STARD7: variants seen among roughly 807,000 people sequenced by gnomAD.
STARD7 encodes the protein StAR related lipid transfer domain containing 7.
STARD7 carries 30 observed loss-of-function variants against 45.3 expected under a neutral mutation model. The ratio of observed to expected loss-of-function variants is 0.66; its 90% CI spans 0.50 to 0.90. The LOEUF is 0.90. STARD7 is among the 40% of genes least tolerant of loss of function. STARD7 has a pLI of 0.00. For missense variants in STARD7, 495 were observed against 491.3 expected (o/e 1.01, Z -0.07); for synonymous variants, 199 against 183.0 (o/e 1.09, Z -0.70).
intron 1 of STARD7, 81 bp downstream of exon 1, chr2:96,208,064 G>T (rs566690349): frequency 3.0e-6 from 4 of 1,355,120 alleles, no homozygotes; most frequent in African/African-American, 1.5e-5. Context: ...GGTAAACAAG[G>T]GCCAACGACC....
chr2:96,192,977 TG>T, intron 5 of STARD7, 100 bp downstream of exon 5: 1 of 818,414 alleles, frequency 1.2e-6, no homozygotes, highest in Non-Finnish European at 2.1e-6. Flanking sequence ...GGGAAGCCTG[TG>T]GGAGACTCAT....
chr2:96,188,266 C>CTTTTTTTTTTT (rs138935587), intron 6 of STARD7: 1 of 56,790 alleles, frequency 1.8e-5, no homozygotes, highest in Non-Finnish European at 2.8e-5. Flanking sequence ...CAGACCAAGA[C>CTTTTTTTTTTT]TTTTTTTTTT....
Position 96,193,122 on chromosome 2 carries a change from C to T in STARD7, c.699G>A (p.Arg233=), listed in dbSNP as rs773706751. ...TGTTGTTTTCCTGATCCACACTATA[C>T]CGCCGAACATAAACATAATCCCGTG... The part of the protein sequence containing the change: ...MYSRDYVYVR[R]YSVDQENNMM... Residue 233 remains arginine (R), a synonymous_variant, in exon 5 of 8, where the codon CGG becomes CGA. Coordinates refer to ENST00000337288, the MANE Select transcript of STARD7 (RefSeq NM_020151.4). 2 of 1,613,776 alleles carry T rather than the reference C, an allele frequency of 1.2e-6. No individual in the cohort carries two copies. Among genetic ancestry groups the T allele is most frequent in the Non-Finnish European group, 1.7e-6 (2 of 1,179,708 alleles).
At chr2:96,201,372 T>A (rs548003759) in intron 1 of STARD7, among the ~76,000 whole-genome samples, 56 of 145,058 alleles carry the variant, frequency 3.9e-4, no homozygotes, top group Non-Finnish European at 6.6e-4. Flanking sequence ...GCCCAGGACT[T>A]CAAGACCAGC....
chr2:96,187,283 G>C lies in STARD7; in HGVS notation c.862C>G (p.Leu288Val), dbSNP rs1441631365. The C allele has an allele frequency of 6.2e-7, 1 of 1,613,572 alleles. No homozygotes were observed. Among genetic ancestry groups the C allele is most frequent in the African/African-American group, 1.3e-5 (1 of 75,040 alleles). The part of the protein sequence containing the change: ...SFDENGFDYL[L>V]TYSDNPQTVF... ...GTTTGGGGATTGTCACTGTATGTTA[G>C]TAAGTAGTCAAAGCCATTCTGGAAA... Residue 288 changes from leucine (L) to valine (V), a missense_variant, in exon 7 of 8, where the codon CTA becomes GTA. Physicochemically the swap from Leu to Val is conservative, Grantham distance 32. Transcript: ENST00000337288.
intron 1 of STARD7, among the ~76,000 whole-genome samples, chr2:96,199,664 G>A (rs1030678776): frequency 2.0e-5 from 3 of 152,176 alleles, no homozygotes; most frequent in South Asian, 4.1e-4. Context: ...TATGTTGCCT[G>A]ATTTCATTGG....
chr2:96,204,328 G>A (rs1304353039), intron 1 of STARD7, among the ~76,000 whole-genome samples: 1 of 151,702 alleles, frequency 6.6e-6, no homozygotes, highest in African/African-American at 2.4e-5. Flanking sequence ...GCCGAGACAG[G>A]CGGATCACGA....
chr2:96,208,574 A>T lies in STARD7; in HGVS notation c.-140T>A. ...GTCCCGCGGCCAGGAGCCGCCGCTC[A>T]TCTGTCTCTGCAGCCACCGCTGAGG... On this transcript the variant is annotated 5_prime_UTR_variant, in exon 1 of 8. It removes an upstream start codon present in the reference 5' UTR. Transcript: ENST00000337288. 4.4e-6 allele frequency: 3 copies of T among 684,286 alleles called. No homozygotes were observed. The highest frequency in any genetic ancestry group is 6.6e-6 in the Non-Finnish European group (3 of 455,008). The allele number at this position is 684,286 out of a possible 1,614,324, so 42.4% of individuals were successfully genotyped here.
At chr2:96,194,299 G>C (rs1003674700) in intron 3 of STARD7, among the ~76,000 whole-genome samples, 4 of 151,758 alleles carry the variant, frequency 2.6e-5, no homozygotes, top group Non-Finnish European at 5.9e-5. Context: ...GCTGCAGCAA[G>C]ACATGATCAC....
At chr2:96,189,344 C>G (rs1464698899) in intron 6 of STARD7, among the ~76,000 whole-genome samples, 1 of 152,166 alleles carries the variant, frequency 6.6e-6, no homozygotes, top group South Asian at 2.1e-4. Context: ...ATGGACTCCT[C>G]CAGACTCCTC....
chr2:96,185,350 C>CA lies in STARD7; in HGVS notation c.*1379dup, dbSNP rs1169870909. ...TTAGTCTCAGGTTTAAACCACTTTTCAACACCACAAAACAGTAGCAAGCAG... is the reference window on the plus strand; with the variant it reads ...TTAGTCTCAGGTTTAAACCACTTTTCAAACACCACAAAACAGTAGCAAGCAG... On this transcript the variant is annotated 3_prime_UTR_variant, in exon 8 of 8. Coordinates refer to ENST00000337288, the MANE Select transcript of STARD7 (RefSeq NM_020151.4). 6.6e-6 allele frequency: 1 copy of CA among 152,002 alleles called. No individual in the cohort carries two copies. The highest frequency in any genetic ancestry group is 1.5e-5 in the Non-Finnish European group (1 of 67,960). The allele number at this position is 152,002 out of a possible 1,614,324, so 9.4% of individuals were successfully genotyped here. A position where few individuals can be genotyped will look rare whatever the true frequency, so the allele number is the denominator to read the frequency against.
rs371840704 is a variant in STARD7, at chr2:96,190,398, C to T, written c.843+1971G>A. Reference sequence around the variant, plus strand: ...TCGCCCACGCTGGGGTGCAGCGGCACGATCTTGGCTCACTGCAACCTCTGC... The same window carrying T: ...TCGCCCACGCTGGGGTGCAGCGGCATGATCTTGGCTCACTGCAACCTCTGC... On this transcript the variant is annotated intron_variant, in intron 6 of 7. Coordinates refer to ENST00000337288, the MANE Select transcript of STARD7 (RefSeq NM_020151.4). Among the ~76,000 whole-genome samples, 141 of 149,818 alleles carry T rather than the reference C, an allele frequency of 9.4e-4. No individual in the cohort carries two copies. The South Asian group carries it at 0.016, about 17-fold the overall frequency.
chr2:96,196,873 C>T (rs1406495705), intron 1 of STARD7, among the ~76,000 whole-genome samples: 2 of 151,388 alleles, frequency 1.3e-5, no homozygotes, highest in Admixed American at 6.6e-5. Context: ...TTGAGACCAG[C>T]CTAACCAACG....
intron 6 of STARD7, among the ~76,000 whole-genome samples, chr2:96,189,281 A>C (rs899293198): frequency 2.0e-5 from 3 of 152,138 alleles, no homozygotes; most frequent in Non-Finnish European, 4.4e-5. Context: ...CTTCCTAAAC[A>C]GAAACATTGC....
At chr2:96,204,497 G>A (rs1322340004) in intron 1 of STARD7, among the ~76,000 whole-genome samples, 1 of 152,060 alleles carries the variant, frequency 6.6e-6, no homozygotes, top group Non-Finnish European at 1.5e-5. Flanking sequence ...GGAGGTTGCA[G>A]TGAGCCGAGA....
intron 6 of STARD7, among the ~76,000 whole-genome samples, chr2:96,188,754 T>A (rs1278254321): frequency 2.0e-5 from 3 of 148,070 alleles, no homozygotes; most frequent in Non-Finnish European, 4.5e-5. Context: ...ACTAGCCAGG[T>A]GTGGTGGCAC....
In STARD7 at chr2:96,208,448, G is replaced by A. The variant is rs1171436419; in HGVS notation, c.-14C>T. The A allele has an allele frequency of 1.1e-5, 15 of 1,359,660 alleles. No individual in the cohort carries two copies. Among genetic ancestry groups the A allele is most frequent in the South Asian group, 1.8e-5 (1 of 55,008 alleles). The allele number at this position is 1,359,660 out of a possible 1,614,324, so 84.2% of individuals were successfully genotyped here. ...CCGCGGGAGCATGCCGCCTCCCGCA[G>A]GGCCCGCCGCGAGCTTCCGGGGCCC... On this transcript the variant is annotated 5_prime_UTR_variant, in exon 1 of 8. Transcript: ENST00000337288.
intron 1 of STARD7, among the ~76,000 whole-genome samples, chr2:96,207,539 G>C (rs991650133): frequency 5.3e-5 from 8 of 152,190 alleles, no homozygotes; most frequent in African/African-American, 1.9e-4. Flanking sequence ...TGACTTCAGA[G>C]TCTAATGGGA....
chr2:96,197,662 C>A (rs1314078675), intron 1 of STARD7, among the ~76,000 whole-genome samples: 1 of 152,176 alleles, frequency 6.6e-6, no homozygotes, highest in Non-Finnish European at 1.5e-5. Context: ...GGTTGTGCAA[C>A]CATCACCCCT....
Sources: gnomAD v4.1 joint callset for allele counts (sites outside exome capture counted in the v4.1 genomes callset) on GRCh38, gnomAD v4.1.1 for gene constraint, MANE v1.5 for transcripts, NCBI Gene and HGNC (gene_info 2026-07-23, HGNC 2026-07-21) for gene names.